The following RBM19 variants were observed in gnomAD, a reference collection of about 807,000 sequenced individuals.
The protein encoded by RBM19 is probable RNA-binding protein 19.
A neutral mutation model predicts 116.8 loss-of-function variants in RBM19; 94 were observed. The observed-to-expected ratio is 0.80, with a 90% CI of 0.68 to 0.95. The LOEUF is 0.95. Among genes scored for constraint, RBM19 ranks in the 40% least tolerant of loss-of-function variants. The probability of loss-of-function intolerance (pLI) is 0.00; values close to 1 mark genes in which losing one functional copy is unlikely to be tolerated. For missense variants in RBM19, 1,161 were observed against 1,220.7 expected (o/e 0.95, Z 0.73); for synonymous variants, 475 against 494.1 (o/e 0.96, Z 0.51).
intron 22 of RBM19, among the ~76,000 whole-genome samples, chr12:113,845,630 C>A (rs532929534): frequency 6.6e-6 from 1 of 151,878 alleles, no homozygotes; most frequent in Non-Finnish European, 1.5e-5. Flanking sequence ...CTGGCAACCA[C>A]CAGTCTGCTT....
At chr12:113,934,399 C>T (rs1460171367) in intron 16 of RBM19, among the ~76,000 whole-genome samples, 1 of 152,218 alleles carries the variant, frequency 6.6e-6, no homozygotes, top group Non-Finnish European at 1.5e-5. Flanking sequence ...CTGGAAATCT[C>T]AGGGCCATTT....
chr12:113,966,152 G>C (rs1183536349), intron 1 of RBM19, 40 bp downstream of exon 1: 1 of 1,613,498 alleles, frequency 6.2e-7, no homozygotes, highest in East Asian at 2.2e-5. Flanking sequence ...GCTCCCGGCT[G>C]GTCTCATTTC....
intron 9 of RBM19, among the ~76,000 whole-genome samples, chr12:113,949,530 C>T (rs1300293950): frequency 6.6e-6 from 1 of 152,208 alleles, no homozygotes; most frequent in Non-Finnish European, 1.5e-5. Flanking sequence ...GGCTCTCCAT[C>T]CTTCTCTAAC....
At position 113,823,251 on chromosome 12, in the gene RBM19, G is replaced by A. The variant is rs1194084507; in HGVS notation, c.2856C>T (p.Asp952=). The A allele has an allele frequency of 1.9e-6, 3 of 1,612,270 alleles. No individual in the cohort carries two copies. Among genetic ancestry groups the A allele is most frequent in the Non-Finnish European group, 2.5e-6 (3 of 1,180,010 alleles). Residue 952 remains aspartate, a synonymous_variant, in exon 24 of 24, where the codon GAC becomes GAT. Transcript: ENST00000261741. ...ACAGCTGAAGGGTCTGCTCCTCGCT[G>A]TCGCTGTCACTGCCTTCCAGCTGCT... is the stretch of plus-strand genomic sequence containing the variant. ...ILEQLEGSDS[D]SEEQTLQL
chr12:113,832,888 C>T (rs181990547), intron 23 of RBM19, among the ~76,000 whole-genome samples: 5 of 152,108 alleles, frequency 3.3e-5, no homozygotes, highest in Non-Finnish European at 4.4e-5. Flanking sequence ...CAAAGGCTGA[C>T]GTGGGGATAA....
At chr12:113,877,871 C>T (rs1879783835) in intron 21 of RBM19, among the ~76,000 whole-genome samples, 1 of 152,086 alleles carries the variant, frequency 6.6e-6, no homozygotes, top group African/African-American at 2.4e-5. Context: ...TCCACTGGGA[C>T]AGCAATTACC....
At chr12:113,879,071 G>A (rs1430777940) in intron 21 of RBM19, among the ~76,000 whole-genome samples, 1 of 152,094 alleles carries the variant, frequency 6.6e-6, no homozygotes, top group Non-Finnish European at 1.5e-5. Flanking sequence ...GTGAGCACTT[G>A]GCTTCCCCGT....
At chr12:113,900,922 G>A (rs776793783) in intron 21 of RBM19, among the ~76,000 whole-genome samples, 1 of 152,178 alleles carries the variant, frequency 6.6e-6, no homozygotes, top group Non-Finnish European at 1.5e-5. Flanking sequence ...CATTCCCAGA[G>A]ATCTTAAATA....
intron 8 of RBM19, 27 bp downstream of exon 8, chr12:113,952,485 C>T: frequency 6.3e-7 from 1 of 1,593,090 alleles, no homozygotes. Flanking sequence ...TACCCGCCTT[C>T]CCACCTGGAA....
chr12:113,915,100 G>T lies in RBM19; in HGVS notation c.2442-15C>A, dbSNP rs1882694527. 13 of 1,603,216 alleles carry T rather than the reference G, an allele frequency of 8.1e-6. No individual in the cohort carries two copies. The highest frequency in any genetic ancestry group is 1.1e-5 in the Non-Finnish European group (13 of 1,170,056). ...TCACGGCTGGCCTGGAGTGGTGGGG[G>T]GAGAGGGTCCAAGTTATTCGGAGCT... On this transcript the variant is annotated splice_polypyrimidine_tract_variant and intron_variant, in intron 20 of 23. Transcript: ENST00000261741.
Position 113,941,552 on chromosome 12 carries a change from C to CCCATCCATCCATCCATCCATCCAT in RBM19, c.1737+771_1737+772insATGGATGGATGGATGGATGGATGG, listed in dbSNP as rs1197172785. Among the ~76,000 whole-genome samples, 1,284 of 151,448 alleles carry CCCATCCATCCATCCATCCATCCAT rather than the reference C, an allele frequency of 8.5e-3. 12 individuals carry two copies. The highest frequency in any genetic ancestry group is 0.018 in the East Asian group (91 of 5,150). ...TATATTTATTTTATCCATCTATCTA[C>CCCATCCATCCATCCATCCATCCAT]CCATCCATCCATGCATCATCTGTAT... On this transcript the variant is annotated intron_variant, in intron 14 of 23. Transcript: ENST00000261741.
intron 21 of RBM19, among the ~76,000 whole-genome samples, chr12:113,895,384 G>A (rs550798977): frequency 6.6e-6 from 1 of 152,248 alleles, no homozygotes. Context: ...AACATGCCCG[G>A]CTCCAAACCC....
At chr12:113,889,503 A>T (rs1466363923) in intron 21 of RBM19, among the ~76,000 whole-genome samples, 29 of 152,146 alleles carry the variant, frequency 1.9e-4, no homozygotes, top group Non-Finnish European at 1.5e-5. Flanking sequence ...GGTCTCCCTC[A>T]TCTGGAACAC....
chr12:113,961,428 G>A (rs931084461), intron 2 of RBM19, among the ~76,000 whole-genome samples: 1 of 152,088 alleles, frequency 6.6e-6, no homozygotes, highest in African/African-American at 2.4e-5. Flanking sequence ...AAGTACAATG[G>A]AAGTTAAAAA....
chr12:113,945,677 C>T lies in RBM19; in HGVS notation c.1626+151G>A, dbSNP rs114326639. On this transcript the variant is annotated intron_variant, in intron 13 of 23. Coordinates refer to ENST00000261741, the MANE Select transcript of RBM19 (RefSeq NM_016196.4). Reference sequence around the variant, plus strand: ...GTTTCCAAAGGGAGGGCTGGGAGAGCACCTTCCATTCCAGAGGCCTCTGGG... The same window carrying T: ...GTTTCCAAAGGGAGGGCTGGGAGAGTACCTTCCATTCCAGAGGCCTCTGGG... 1,017 of 641,022 alleles carry T rather than the reference C, an allele frequency of 1.6e-3. 9 individuals are homozygous for T. The African/African-American group carries it at 0.016, about 10-fold the overall frequency. 39.7% of individuals were successfully genotyped at this position (641,022 alleles called of 1,614,324 possible).
At chr12:113,866,279 A>T (rs1748600767) in intron 21 of RBM19, among the ~76,000 whole-genome samples, 1 of 152,090 alleles carries the variant, frequency 6.6e-6, no homozygotes, top group Admixed American at 6.5e-5. Flanking sequence ...TGCCTCCTGG[A>T]GGCTGAAAAA....
At chr12:113,935,362 C>T (rs1869963636) in intron 16 of RBM19, among the ~76,000 whole-genome samples, 1 of 151,690 alleles carries the variant, frequency 6.6e-6, no homozygotes, top group Non-Finnish European at 1.5e-5. Context: ...AAAATCAAGG[C>T]AGCTGTGATT....
chr12:113,904,297 T>A (rs1881902384), intron 21 of RBM19, among the ~76,000 whole-genome samples: 1 of 152,324 alleles, frequency 6.6e-6, no homozygotes, highest in Non-Finnish European at 1.5e-5. Flanking sequence ...GCTCAGCAGA[T>A]ATGTTGCTGA....
At chr12:113,908,004 G>C (rs1002247207) in intron 21 of RBM19, among the ~76,000 whole-genome samples, 1 of 152,050 alleles carries the variant, frequency 6.6e-6, no homozygotes, top group African/African-American at 2.4e-5. Context: ...GGGAGGAGAC[G>C]ACCTGTGCAG....
Sources: gnomAD v4.1 joint callset for allele counts (sites outside exome capture counted in the v4.1 genomes callset) on GRCh38, gnomAD v4.1.1 for gene constraint, MANE v1.5 for transcripts, NCBI Gene and HGNC (gene_info 2026-07-23, HGNC 2026-07-21) for gene names.